The following NOL4 variants were observed in gnomAD, a reference collection of about 807,000 sequenced individuals.
NOL4 encodes cancer/testis antigen 125.
NOL4 carries 17 observed loss-of-function variants against 75.9 expected under a neutral mutation model. The ratio of observed to expected loss-of-function variants is 0.22; its 90% CI spans 0.15 to 0.34. The LOEUF is 0.34. NOL4 is among the 10% of genes least tolerant of loss of function. The probability of loss-of-function intolerance (pLI) is 1.00; values close to 1 mark genes in which losing one functional copy is unlikely to be tolerated. For missense variants in NOL4, 614 were observed against 793.5 expected (o/e 0.77, Z 2.72); for synonymous variants, 292 against 289.9 (o/e 1.01, Z -0.07).
rs546100265 is a variant in NOL4 at position 33,863,277 on chromosome 18, A to G, written c.1724-10242T>C. Among the ~76,000 whole-genome samples the G allele has an allele frequency of 4.2e-3, 614 of 145,400 alleles. 2 individuals carry two copies. The highest frequency in any genetic ancestry group is 0.014 in the African/African-American group (565 of 40,268). On this transcript the variant is annotated intron_variant, in intron 10 of 10. Transcript: ENST00000261592. ...CACACTCTGGGGACTGTTGTGGGGTAGGGGAAGGGGGGAGGGATAGCATTG... is the reference window on the plus strand; with the variant it reads ...CACACTCTGGGGACTGTTGTGGGGTGGGGGAAGGGGGGAGGGATAGCATTG...
intron 6 of NOL4, among the ~76,000 whole-genome samples, chr18:34,013,984 T>G (rs1252878103): frequency 2.6e-5 from 4 of 151,872 alleles, no homozygotes; most frequent in Non-Finnish European, 5.9e-5. Context: ...ATCATTAAAT[T>G]GAACCAATAA....
intron 9 of NOL4, among the ~76,000 whole-genome samples, chr18:33,919,749 G>A (rs2145250243): frequency 6.6e-6 from 1 of 152,294 alleles, no homozygotes; most frequent in Admixed American, 6.5e-5. Flanking sequence ...ATTAGAGGAT[G>A]TGTACAGGGT....
At chr18:33,868,125 C>G (rs1412948191) in intron 10 of NOL4, among the ~76,000 whole-genome samples, 3 of 151,396 alleles carry the variant, frequency 2.0e-5, no homozygotes, top group Non-Finnish European at 2.9e-5. Flanking sequence ...GCAGCCTTGA[C>G]CTCTAGAGCT....
At chr18:34,221,732 C>A in intron 1 of NOL4, 1 of 292,048 alleles carries the variant, frequency 3.4e-6, no homozygotes, top group East Asian at 5.7e-5. Flanking sequence ...TCTAATTAAT[C>A]TCAGGAAACC....
intron 1 of NOL4, among the ~76,000 whole-genome samples, 183 bp downstream of exon 1, chr18:34,222,807 T>C (rs2037414481): frequency 6.6e-6 from 1 of 152,020 alleles, no homozygotes; most frequent in South Asian, 2.1e-4. Flanking sequence ...ACAAAGACTG[T>C]ACAGTGGGGA....
intron 4 of NOL4, among the ~76,000 whole-genome samples, chr18:34,101,136 T>C (rs936890406): frequency 5.9e-5 from 9 of 152,180 alleles, no homozygotes; most frequent in African/African-American, 2.2e-4. Context: ...TCTTCTTTCC[T>C]GAAACATCCA....
At chr18:34,161,638 C>T (rs2031499472) in intron 1 of NOL4, among the ~76,000 whole-genome samples, 1 of 151,934 alleles carries the variant, frequency 6.6e-6, no homozygotes, top group South Asian at 2.1e-4. Flanking sequence ...GCCATTTGTA[C>T]ATCTTCTCTT....
At chr18:34,218,440 T>C (rs867791400) in intron 1 of NOL4, among the ~76,000 whole-genome samples, 1 of 152,190 alleles carries the variant, frequency 6.6e-6, no homozygotes, top group African/African-American at 2.4e-5. Flanking sequence ...ATAGTCTTCA[T>C]ACACGAACAG....
chr18:34,005,837 T>A (rs150841397), intron 6 of NOL4, among the ~76,000 whole-genome samples: 1 of 152,160 alleles, frequency 6.6e-6, no homozygotes, highest in East Asian at 1.9e-4. Flanking sequence ...CCTCAGTCCT[T>A]CTGAACTCCA....
chr18:33,957,645 GA>G, intron 7 of NOL4, 128 bp from the exon 8 acceptor site: 1 of 612,718 alleles, frequency 1.6e-6, no homozygotes, highest in South Asian at 3.3e-5. Flanking sequence ...CTTTGCAATG[GA>G]AAGCCAGAAA....
intron 5 of NOL4, among the ~76,000 whole-genome samples, chr18:34,050,886 G>A (rs2076598132): frequency 6.6e-6 from 1 of 151,996 alleles, no homozygotes; most frequent in Admixed American, 6.6e-5. Flanking sequence ...CAAATGCGGA[G>A]TTGAGAACAA....
intron 10 of NOL4, among the ~76,000 whole-genome samples, chr18:33,880,092 A>G (rs1266716142): frequency 6.6e-6 from 1 of 152,096 alleles, no homozygotes; most frequent in African/African-American, 2.4e-5. Flanking sequence ...CTGAGGTTGA[A>G]CAACTTTATA....
intron 1 of NOL4, among the ~76,000 whole-genome samples, chr18:34,142,015 G>A (rs1226869671): frequency 1.3e-5 from 2 of 152,104 alleles, no homozygotes; most frequent in Non-Finnish European, 2.9e-5. Flanking sequence ...CAAAAAGTGG[G>A]CAAAGGACAT....
At chr18:33,938,624 G>T (rs1436215042) in intron 9 of NOL4, among the ~76,000 whole-genome samples, 1 of 151,890 alleles carries the variant, frequency 6.6e-6, no homozygotes, top group Admixed American at 6.6e-5. Flanking sequence ...TTTTTGATGA[G>T]GTTGTTTTTT....
At chr18:34,160,482 C>A (rs1013127762) in intron 1 of NOL4, among the ~76,000 whole-genome samples, 3 of 151,970 alleles carry the variant, frequency 2.0e-5, no homozygotes, top group African/African-American at 7.2e-5. Context: ...GCTTGTGAAT[C>A]TATGTATCAT....
At chr18:34,161,253 G>T (rs563840979) in intron 1 of NOL4, among the ~76,000 whole-genome samples, 1 of 152,130 alleles carries the variant, frequency 6.6e-6, no homozygotes, top group African/African-American at 2.4e-5. Flanking sequence ...CTTGGCTATT[G>T]TGCATAGTGC....
intron 6 of NOL4, among the ~76,000 whole-genome samples, chr18:33,998,485 T>C (rs1212890584): frequency 2.0e-5 from 3 of 152,184 alleles, no homozygotes; most frequent in Non-Finnish European, 2.9e-5. Flanking sequence ...CAGAAGAATA[T>C]ACTGGTGGGC....
At chr18:34,108,772 T>C (rs1321723099) in intron 2 of NOL4, among the ~76,000 whole-genome samples, 1 of 152,150 alleles carries the variant, frequency 6.6e-6, no homozygotes. Flanking sequence ...TCCCTTTCAA[T>C]AGTAAATAGA....
chr18:34,101,216 GCTT>G (rs1319765327), intron 4 of NOL4, among the ~76,000 whole-genome samples: 1 of 152,184 alleles, frequency 6.6e-6, no homozygotes, highest in Admixed American at 6.6e-5. Context: ...CTTGGCATTA[GCTT>G]CTTCTAGAAA....
Sources: allele counts gnomAD v4.1 joint callset (sites outside exome capture counted in the v4.1 genomes callset), GRCh38; gene constraint gnomAD v4.1.1; transcripts MANE v1.5; gene names NCBI Gene and HGNC (gene_info 2026-07-23, HGNC 2026-07-21).